The following PCDHGB4 variants were observed in gnomAD, a reference collection of about 807,000 sequenced individuals.
The protein encoded by PCDHGB4 is protocadherin gamma subfamily B, 4, also known as protocadherin gamma-B4.
Under a neutral mutation model 60.5 loss-of-function variants are expected in PCDHGB4, and 38 were observed. That is an observed-to-expected ratio of 0.63 (90% CI 0.48 to 0.82). The LOEUF is 0.82. Among genes scored for constraint, PCDHGB4 ranks in the 40% least tolerant of loss-of-function variants. The pLI, the probability that PCDHGB4 is intolerant of heterozygous loss-of-function variation, is 0.00. For missense variants in PCDHGB4, 1,109 were observed against 1,209.6 expected, an observed-to-expected ratio of 0.92 and a Z score of 1.23; for synonymous variants, 456 against 509.7, an observed-to-expected ratio of 0.89 and a Z score of 1.42.
chr5:141,422,226 G>A (rs766346054), intron 1 of PCDHGB4: 1 of 1,565,844 alleles, frequency 6.4e-7, no homozygotes, highest in East Asian at 2.2e-5. Flanking sequence ...CCACCACGAC[G>A]ATGTTGATCA....
chr5:141,429,387 TAA>T (rs11410533), intron 1 of PCDHGB4, among the ~76,000 whole-genome samples: 155 of 151,446 alleles, frequency 1.0e-3, no homozygotes, highest in African/African-American at 3.5e-3. Flanking sequence ...GTTTTTTTTT[TAA>T]AAAAAATTGA....
At position 141,486,266 on chromosome 5, in the gene PCDHGB4, C is replaced by A; in HGVS notation, c.2398-8541C>A. On this transcript the variant is annotated intron_variant, in intron 1 of 3. Coordinates refer to ENST00000519479, the MANE Select transcript of PCDHGB4 (RefSeq NM_003736.4). The surrounding 1 kb of genome is among the most constrained non-coding windows in gnomAD (Gnocchi z 5.0). ...TGGAACCCTCCCCGAGAGTGCAGAA[C>A]CTGGCACTGTGGTGGCACTTATCAG... The A allele has an allele frequency of 1.9e-6, 3 of 1,614,098 alleles. No homozygotes were observed. Among genetic ancestry groups the A allele is most frequent in the Admixed American group, 3.3e-5 (2 of 60,016 alleles).
chr5:141,423,544 C>G, intron 1 of PCDHGB4: 1 of 1,613,744 alleles, frequency 6.2e-7, no homozygotes, highest in African/African-American at 1.3e-5. Flanking sequence ...GATTTTCCCC[C>G]AGCCCAACTA....
chr5:141,413,441 T>C (rs760538286), intron 1 of PCDHGB4: 1 of 1,614,056 alleles, frequency 6.2e-7, no homozygotes, highest in Non-Finnish European at 8.5e-7. Flanking sequence ...GGCAGCTTGA[T>C]CACCGCGGGC....
intron 1 of PCDHGB4, chr5:141,396,034 A>G (rs968115375): frequency 1.3e-5 from 2 of 152,256 alleles, no homozygotes; most frequent in African/African-American, 2.4e-5. Context: ...ATGTAAGAAC[A>G]TATTTCAATA....
Position 141,410,164 on chromosome 5 carries a change from C to T in PCDHGB4, c.2397+19883C>T, listed in dbSNP as rs756470415. The T allele has an allele frequency of 4.4e-5, 71 of 1,613,642 alleles. No homozygotes were observed. The highest frequency in any genetic ancestry group is 5.8e-5 in the Non-Finnish European group (69 of 1,179,812). On this transcript the variant is annotated intron_variant, in intron 1 of 3. Transcript: ENST00000519479. ...TGCGTGACGGTGGACAGCCGCCACTCTCTGCCACCGCCACGCTTCATCTGG... is the reference window on the plus strand; with the variant it reads ...TGCGTGACGGTGGACAGCCGCCACTTTCTGCCACCGCCACGCTTCATCTGG...
chr5:141,418,433 C>A (rs761824602), intron 1 of PCDHGB4: 6 of 1,613,820 alleles, frequency 3.7e-6, no homozygotes, highest in South Asian at 3.3e-5. Flanking sequence ...TGGCAAATAT[C>A]CAGAATTAGT....
At chr5:141,435,858 A>C (rs138728159) in intron 1 of PCDHGB4, among the ~76,000 whole-genome samples, 1 of 152,304 alleles carries the variant, frequency 6.6e-6, no homozygotes, top group East Asian at 1.9e-4. Context: ...TACAATAGTT[A>C]AAACCCAGAA....
intron 1 of PCDHGB4, chr5:141,441,480 T>A (rs1679700290): frequency 5.9e-6 from 1 of 170,298 alleles, no homozygotes. Flanking sequence ...CCAACGACAA[T>A]GCTCTGGTTT....
intron 1 of PCDHGB4, chr5:141,422,893 C>T (rs1405800318): frequency 3.1e-6 from 5 of 1,614,128 alleles, no homozygotes; most frequent in Admixed American, 3.3e-5. Flanking sequence ...CGTGCTGGAC[C>T]AGAACGACAA....
At chr5:141,484,383 A>C (rs968059260) in intron 1 of PCDHGB4, among the ~76,000 whole-genome samples, 1 of 152,194 alleles carries the variant, frequency 6.6e-6, no homozygotes, top group Non-Finnish European at 1.5e-5. Context: ...ATGTCTGAAT[A>C]AGAAAGGTTT....
At chr5:141,425,491 C>G (rs1243033082) in intron 1 of PCDHGB4, among the ~76,000 whole-genome samples, 1 of 152,200 alleles carries the variant, frequency 6.6e-6, no homozygotes, top group Non-Finnish European at 1.5e-5. Context: ...ACCTACTAGG[C>G]TATACCTTTA....
At chr5:141,393,378 G>C in intron 1 of PCDHGB4, 1 of 1,613,982 alleles carries the variant, frequency 6.2e-7, no homozygotes, top group Non-Finnish European at 8.5e-7. Flanking sequence ...AGACAATGGA[G>C]CCATAAACCC....
At chr5:141,478,467 G>T (rs2099457769) in intron 1 of PCDHGB4, 1 of 1,613,656 alleles carries the variant, frequency 6.2e-7, no homozygotes, top group South Asian at 1.1e-5. Flanking sequence ...CCACTGGCCA[G>T]CCGCCAGAAC....
In PCDHGB4 at chr5:141,490,211, ACCAGGGACAG is replaced by A. The variant is rs1259297201; in HGVS notation, c.2398-4593_2398-4584del. 1 of 1,614,212 alleles carries A rather than the reference ACCAGGGACAG, an allele frequency of 6.2e-7. No individual in the cohort carries two copies. ...TATGAAATTCATGCAAGAGCCCGTG[ACCAGGGACAG>A]CCTGCCATGGAGGGCCACTGTGTGA... is the stretch of plus-strand genomic sequence containing the variant. On this transcript the variant is annotated intron_variant, in intron 1 of 3. Transcript: ENST00000519479. The surrounding 1 kb of genome is among the most constrained non-coding windows in gnomAD (Gnocchi z 5.4).
chr5:141,426,488 T>G, intron 1 of PCDHGB4: 1 of 328,024 alleles, frequency 3.0e-6, no homozygotes, highest in Non-Finnish European at 6.1e-6. Context: ...AACCTTAGAG[T>G]TAGTGCAGAG....
At chr5:141,416,405 T>C (rs948190812) in intron 1 of PCDHGB4, 1 of 152,200 alleles carries the variant, frequency 6.6e-6, no homozygotes, top group Non-Finnish European at 1.5e-5. Context: ...TTTGTCTTTT[T>C]TGTTAAATTT....
intron 1 of PCDHGB4, chr5:141,394,113 A>G: frequency 6.2e-7 from 1 of 1,613,950 alleles, no homozygotes; most frequent in Non-Finnish European, 8.5e-7. Flanking sequence ...ACCTCTGTCC[A>G]CTGAAACTCA....
At chr5:141,469,312 C>T (rs1387258560) in intron 1 of PCDHGB4, among the ~76,000 whole-genome samples, 2 of 152,064 alleles carry the variant, frequency 1.3e-5, no homozygotes, top group Non-Finnish European at 2.9e-5. Flanking sequence ...CACGATGGCT[C>T]ACGCCTGTAA....
Sources: allele counts gnomAD v4.1 joint callset (sites outside exome capture counted in the v4.1 genomes callset), GRCh38; gene constraint gnomAD v4.1.1; non-coding constraint Gnocchi (gnomAD v3.1); transcripts MANE v1.5; gene names NCBI Gene and HGNC (gene_info 2026-07-23, HGNC 2026-07-21).